Variants in PARD3 observed in about 807,000 individuals in gnomAD.
PARD3 encodes partitioning defective 3 homolog.
PARD3 carries 75 observed loss-of-function variants against 155.4 expected under a neutral mutation model. That is an observed-to-expected ratio of 0.48 (90% CI 0.40 to 0.58). The LOEUF (loss-of-function observed/expected upper bound fraction) is 0.58, where lower values mean the gene tolerates loss of function less well. Ranked by LOEUF, PARD3 falls within the 20% of genes least tolerant of loss-of-function variation. PARD3 has a pLI of 0.00. For missense variants in PARD3, 1,642 were observed against 1,721.7 expected (o/e 0.95, Z 0.82); for synonymous variants, 576 against 610.5 (o/e 0.94, Z 0.83).
chr10:34,516,580 T>C (rs147860235), intron 3 of PARD3, among the ~76,000 whole-genome samples: 96 of 152,290 alleles, frequency 6.3e-4, no homozygotes, highest in African/African-American at 2.3e-3. Flanking sequence ...GCTCTTCAGA[T>C]AAAGTTCAAA....
intron 12 of PARD3, among the ~76,000 whole-genome samples, chr10:34,371,502 A>C (rs1228811827): frequency 2.4e-5 from 2 of 82,054 alleles, no homozygotes; most frequent in African/African-American, 1.9e-4. Flanking sequence ...AAAAAAAAAA[A>C]AAAAAAAAAA....
At chr10:34,435,880 C>G (rs2076163386) in intron 5 of PARD3, among the ~76,000 whole-genome samples, 1 of 152,176 alleles carries the variant, frequency 6.6e-6, no homozygotes, top group Admixed American at 6.5e-5. Flanking sequence ...AAAACTCTTA[C>G]TTTTCAAGAA....
At chr10:34,795,755 G>A (rs540609888) in intron 1 of PARD3, among the ~76,000 whole-genome samples, 74 of 152,166 alleles carry the variant, frequency 4.9e-4, no homozygotes, top group African/African-American at 1.2e-3. Context: ...TCAGTCAGGC[G>A]TGGTGGTGCA....
chr10:34,639,877 A>C (rs967652430), intron 2 of PARD3, among the ~76,000 whole-genome samples: 2 of 150,742 alleles, frequency 1.3e-5, no homozygotes, highest in Admixed American at 6.6e-5. Flanking sequence ...CACACACACC[A>C]CACACACACA....
chr10:34,221,818 G>C (rs185525119), intron 22 of PARD3, among the ~76,000 whole-genome samples: 22 of 152,194 alleles, frequency 1.4e-4, no homozygotes, highest in African/African-American at 5.1e-4. Context: ...AAACCGCTGA[G>C]TTAGTTTTGT....
At chr10:34,400,449 T>A (rs1009131765) in intron 6 of PARD3, among the ~76,000 whole-genome samples, 1 of 152,238 alleles carries the variant, frequency 6.6e-6, no homozygotes, top group African/African-American at 2.4e-5. Flanking sequence ...AAATGAGATT[T>A]TTCTTTCTTT....
At chr10:34,798,898 C>T (rs1842578152) in intron 1 of PARD3, among the ~76,000 whole-genome samples, 1 of 151,900 alleles carries the variant, frequency 6.6e-6, no homozygotes, top group Non-Finnish European at 1.5e-5. Flanking sequence ...GCCAGGAGTC[C>T]TCCAACCCGG....
chr10:34,675,684 TC>T (rs2093692328), intron 2 of PARD3: 2 of 197,222 alleles, frequency 1.0e-5, no homozygotes, highest in African/African-American at 4.6e-5. Context: ...GGCCTGAGAT[TC>T]CTTATAACTT....
At chr10:34,765,419 T>G (rs1375706884) in intron 1 of PARD3, among the ~76,000 whole-genome samples, 3 of 152,074 alleles carry the variant, frequency 2.0e-5, no homozygotes, top group Non-Finnish European at 4.4e-5. Flanking sequence ...GGCTCACACC[T>G]GTAATCCCAG....
At chr10:34,146,563 C>G (rs1423790965) in intron 22 of PARD3, among the ~76,000 whole-genome samples, 1 of 152,210 alleles carries the variant, frequency 6.6e-6, no homozygotes, top group Non-Finnish European at 1.5e-5. Context: ...TATACTCAAA[C>G]TAGTTTTCCT....
intron 22 of PARD3, among the ~76,000 whole-genome samples, chr10:34,220,754 AT>A (rs1952237772): frequency 6.6e-6 from 1 of 152,214 alleles, no homozygotes; most frequent in Non-Finnish European, 1.5e-5. Flanking sequence ...TCAATAACAT[AT>A]TCACAGTGGG....
chr10:34,710,524 T>C (rs1242364249), intron 1 of PARD3, among the ~76,000 whole-genome samples: 1 of 152,184 alleles, frequency 6.6e-6, no homozygotes, highest in Admixed American at 6.5e-5. Flanking sequence ...TACATTTATC[T>C]TCACAAAATA....
At chr10:34,505,289 T>G (rs1289017303) in intron 3 of PARD3, among the ~76,000 whole-genome samples, 1 of 152,222 alleles carries the variant, frequency 6.6e-6, no homozygotes, top group African/African-American at 2.4e-5. Context: ...AGGCTTATTC[T>G]CATGCAAAGG....
intron 22 of PARD3, among the ~76,000 whole-genome samples, chr10:34,200,999 T>C (rs776448006): frequency 6.6e-6 from 1 of 152,178 alleles, no homozygotes; most frequent in Non-Finnish European, 1.5e-5. Context: ...TGTGAGTGCC[T>C]GTGTATACAT....
At chr10:34,211,574 G>T (rs921279060) in intron 22 of PARD3, among the ~76,000 whole-genome samples, 3 of 152,174 alleles carry the variant, frequency 2.0e-5, no homozygotes, top group African/African-American at 7.2e-5. Context: ...TTGAGATCAG[G>T]AGTTCGAGAC....
chr10:34,694,158 A>G (rs1477767326), intron 2 of PARD3, among the ~76,000 whole-genome samples: 1 of 136,602 alleles, frequency 7.3e-6, no homozygotes, highest in Non-Finnish European at 1.7e-5. Flanking sequence ...GGAGAAGAAA[A>G]AAAAAAAGAA....
In PARD3 at chr10:34,317,015, G is replaced by A. The variant is rs77177806; in HGVS notation, c.3065+92C>T. ...CTCCCAAGTAGCTGGGATTACAGGTGTGCACTACCGTGTCCAGTTTTTAGT... is the reference window on the plus strand; with the variant it reads ...CTCCCAAGTAGCTGGGATTACAGGTATGCACTACCGTGTCCAGTTTTTAGT... On this transcript the variant is annotated intron_variant, in intron 20 of 24. Transcript: ENST00000374788. The A allele has an allele frequency of 2.3e-3, 2,713 of 1,182,892 alleles. 41 individuals carry two copies. The African/African-American group carries it at 0.036, about 16-fold the overall frequency. The allele number at this position is 1,182,892 out of a possible 1,614,324, so 73.3% of individuals were successfully genotyped here.
intron 5 of PARD3, among the ~76,000 whole-genome samples, chr10:34,404,528 T>C (rs994929108): frequency 6.6e-6 from 1 of 151,922 alleles, no homozygotes; most frequent in Non-Finnish European, 1.5e-5. Context: ...AAGAAAAAAA[T>C]AGAACTATAT....
intron 2 of PARD3, among the ~76,000 whole-genome samples, chr10:34,566,585 T>C (rs2085958461): frequency 6.6e-6 from 1 of 152,200 alleles, no homozygotes. Flanking sequence ...TTTACCTGTG[T>C]ATTATCTCCA....
Sources: gnomAD v4.1 joint callset for allele counts (sites outside exome capture counted in the v4.1 genomes callset) on GRCh38, gnomAD v4.1.1 for gene constraint, MANE v1.5 for transcripts, NCBI Gene and HGNC (gene_info 2026-07-23, HGNC 2026-07-21) for gene names.